Variants in GLDC observed in about 807,000 individuals in gnomAD.
The protein encoded by GLDC is glycine dehydrogenase (decarboxylating), mitochondrial.
Under a neutral mutation model 121.3 loss-of-function variants are expected in GLDC, and 104 were observed. The observed-to-expected ratio is 0.86, with a 90% CI of 0.73 to 1.01. The LOEUF (loss-of-function observed/expected upper bound fraction) is 1.01, where lower values mean the gene tolerates loss of function less well. Ranked by LOEUF, GLDC falls within the 50% of genes least tolerant of loss-of-function variation. The pLI, the probability that GLDC is intolerant of heterozygous loss-of-function variation, is 0.00. For synonymous variants in GLDC, 546 were observed against 480.6 expected, an observed-to-expected ratio of 1.14 and a Z score of -1.78; for missense variants, 1,429 against 1,306.6, an observed-to-expected ratio of 1.09 and a Z score of -1.44.
chr9:6,610,180 G>C lies in GLDC; in HGVS notation c.635+12C>G, dbSNP rs1312776021. On this transcript the variant is annotated intron_variant, in intron 4 of 24. Coordinates refer to ENST00000321612, the MANE Select transcript of GLDC (RefSeq NM_000170.3). ...CACAACTGGAATTCCAGCACTTTGA[G>C]AGGCCTCTCACCTGTAGCACAGCTG... The C allele has an allele frequency of 6.2e-7, 1 of 1,602,148 alleles. No homozygotes were observed. Among genetic ancestry groups the C allele is most frequent in the Non-Finnish European group, 8.5e-7 (1 of 1,173,468 alleles).
intron 2 of GLDC, among the ~76,000 whole-genome samples, chr9:6,633,688 A>G (rs1819437660): frequency 6.6e-6 from 1 of 152,134 alleles, no homozygotes; most frequent in Non-Finnish European, 1.5e-5. Context: ...TGGAAGGCCA[A>G]GGAGGGTGGA....
chr9:6,556,431 CAAAG>C (rs1817632661), intron 17 of GLDC, 129 bp from the exon 18 acceptor site: 2 of 757,110 alleles, frequency 2.6e-6, no homozygotes, highest in African/African-American at 3.4e-5. Context: ...GGAACTGTCT[CAAAG>C]TACAATGACA....
chr9:6,573,828 A>G (rs1292794068), intron 15 of GLDC, among the ~76,000 whole-genome samples: 1 of 152,210 alleles, frequency 6.6e-6, no homozygotes, highest in East Asian at 1.9e-4. Context: ...CTCTCAAGAA[A>G]ATAAGGGAAA....
chr9:6,592,485 T>A (rs1431857280), intron 10 of GLDC, among the ~76,000 whole-genome samples: 1 of 152,230 alleles, frequency 6.6e-6, no homozygotes, highest in African/African-American at 2.4e-5. Flanking sequence ...TAGACATGCT[T>A]ATCTTTTTCT....
intron 2 of GLDC, among the ~76,000 whole-genome samples, chr9:6,624,663 A>G (rs1819194393): frequency 6.6e-6 from 1 of 152,156 alleles, no homozygotes; most frequent in South Asian, 2.1e-4. Context: ...AGACACGATA[A>G]TACTCTTGGG....
rs1817217960 is a variant in GLDC at position 6,539,822 on chromosome 9, C to T, written c.2665+229G>A. 3.9e-5 allele frequency among the ~76,000 whole-genome samples: 6 copies of T among 152,190 alleles called. No individual in the cohort carries two copies. In the South Asian group the frequency reaches 1.2e-3, roughly 32 times the overall value. The stretch of plus-strand genomic sequence containing the variant: ...TTTAATTTTAATCTTAAACACTTTT[C>T]TTGGCTGTTAATGGATTCAAGATGC... On this transcript the variant is annotated intron_variant, in intron 22 of 24. Coordinates refer to ENST00000321612, the MANE Select transcript of GLDC (RefSeq NM_000170.3).
At chr9:6,599,047 G>A (rs1211824583) in intron 8 of GLDC, among the ~76,000 whole-genome samples, 1 of 152,074 alleles carries the variant, frequency 6.6e-6, no homozygotes, top group African/African-American at 2.4e-5. Context: ...AGCCAGGCAT[G>A]GTCGTGGGTG....
At chr9:6,601,129 C>A (rs551666146) in intron 8 of GLDC, among the ~76,000 whole-genome samples, 1 of 152,010 alleles carries the variant, frequency 6.6e-6, no homozygotes, top group Non-Finnish European at 1.5e-5. Flanking sequence ...GCTGAGATTG[C>A]GCCACTGCAC....
intron 8 of GLDC, among the ~76,000 whole-genome samples, chr9:6,598,551 C>T (rs772660813): frequency 5.3e-5 from 8 of 152,234 alleles, no homozygotes; most frequent in Non-Finnish European, 1.0e-4. Context: ...GCTGCTACAA[C>T]AGAAGGCGGG....
rs752137595 is a variant in GLDC at position 6,550,814 on chromosome 9, C to A, written c.2558G>T (p.Arg853Met). 1 of 1,609,576 alleles carries A rather than the reference C, an allele frequency of 6.2e-7. No individual in the cohort carries two copies. The highest frequency in any genetic ancestry group is 1.1e-5 in the South Asian group (1 of 90,990). The stretch of plus-strand genomic sequence containing the variant: ...AAGTTGATACTTGCCTCTTGCACCC[C>A]TGAAAAGAATTCTGTAGTGTGTTTC... ...RLETHYRILF[R>M]GARGYVGHEF... The change falls in exon 21 of 25, where the codon AGG (arginine) becomes ATG (methionine). Residue 853 changes from arginine to methionine, a missense_variant. Arg to Met is a moderately conservative substitution (Grantham distance 91). Coordinates refer to ENST00000321612, the MANE Select transcript of GLDC (RefSeq NM_000170.3).
chr9:6,535,123 T>C (rs12001457), intron 23 of GLDC, among the ~76,000 whole-genome samples: 8,519 of 152,158 alleles, frequency 0.056, 402 homozygotes, highest in African/African-American at 0.13. Context: ...TGTTTACCAT[T>C]CTCATCATGC....
chr9:6,581,797 T>C (rs937583414), intron 15 of GLDC, among the ~76,000 whole-genome samples: 1 of 152,174 alleles, frequency 6.6e-6, no homozygotes, highest in Non-Finnish European at 1.5e-5. Flanking sequence ...CTAGATAAGG[T>C]GCAAATCCTT....
chr9:6,552,203 G>A (rs1403955861), intron 20 of GLDC, among the ~76,000 whole-genome samples: 1 of 152,166 alleles, frequency 6.6e-6, no homozygotes, highest in East Asian at 1.9e-4. Flanking sequence ...GAAGGCCCAA[G>A]GCCAGAGGGG....
chr9:6,553,752 T>C (rs929733447), intron 19 of GLDC, among the ~76,000 whole-genome samples: 1 of 152,034 alleles, frequency 6.6e-6, no homozygotes, highest in African/African-American at 2.4e-5. Context: ...GAGGGCTTGA[T>C]AGAGGCAGGC....
intron 15 of GLDC, among the ~76,000 whole-genome samples, chr9:6,567,840 A>C (rs1436136637): frequency 6.6e-6 from 1 of 152,216 alleles, no homozygotes; most frequent in Non-Finnish European, 1.5e-5. Context: ...ATAAGCTCTG[A>C]CAGTAGGGTC....
chr9:6,629,957 A>ATATATATTT, intron 2 of GLDC, among the ~76,000 whole-genome samples: 1 of 83,102 alleles, frequency 1.2e-5, no homozygotes, highest in African/African-American at 6.9e-5. Flanking sequence ...ATATATATAT[A>ATATATATTT]TTTTTTTTTT....
intron 2 of GLDC, among the ~76,000 whole-genome samples, chr9:6,636,547 G>A (rs1819506668): frequency 6.6e-6 from 1 of 152,124 alleles, no homozygotes; most frequent in Non-Finnish European, 1.5e-5. Flanking sequence ...GGCAGAGTCG[G>A]AAGGATTTCT....
chr9:6,622,222 A>C (rs942774307), intron 2 of GLDC, among the ~76,000 whole-genome samples: 7 of 151,504 alleles, frequency 4.6e-5, no homozygotes, highest in Admixed American at 1.3e-4. Context: ...CCAGGAAATA[A>C]ATTCACAAGA....
At chr9:6,634,677 C>T (rs1819465159) in intron 2 of GLDC, among the ~76,000 whole-genome samples, 1 of 152,196 alleles carries the variant, frequency 6.6e-6, no homozygotes, top group African/African-American at 2.4e-5. Flanking sequence ...CCATGGGCAG[C>T]TGTAGCTCCA....
Sources: allele counts gnomAD v4.1 joint callset (sites outside exome capture counted in the v4.1 genomes callset), GRCh38; gene constraint gnomAD v4.1.1; transcripts MANE v1.5; gene names NCBI Gene and HGNC (gene_info 2026-07-23, HGNC 2026-07-21).